CMTM7: variants seen among roughly 807,000 people sequenced by gnomAD.
CMTM7 encodes CKLF like MARVEL transmembrane domain containing 7.
In CMTM7, 7 loss-of-function variants were observed where a neutral mutation model predicts 19.3. The observed-to-expected ratio is 0.36, with a 90% CI of 0.21 to 0.68. The LOEUF (loss-of-function observed/expected upper bound fraction) is 0.68, where lower values mean the gene tolerates loss of function less well. Among genes scored for constraint, CMTM7 ranks in the 30% least tolerant of loss-of-function variants. The pLI is 0.60. For missense variants in CMTM7, 193 were observed against 232.6 expected, an observed-to-expected ratio of 0.83 and a Z score of 1.11; for synonymous variants, 87 against 99.3, an observed-to-expected ratio of 0.88 and a Z score of 0.74.
chr3:32,392,994 T>C (rs1440537705), intron 1 of CMTM7, among the ~76,000 whole-genome samples: 2 of 152,082 alleles, frequency 1.3e-5, no homozygotes, highest in African/African-American at 4.8e-5. Context: ...GTCTCCACCA[T>C]TGTAATGTTT....
intron 1 of CMTM7, among the ~76,000 whole-genome samples, chr3:32,414,277 A>G (rs557972999): frequency 6.6e-5 from 10 of 152,214 alleles, no homozygotes; most frequent in Admixed American, 1.3e-4. Context: ...TTCATTCTCC[A>G]CGTTCCACTG....
At chr3:32,413,483 C>T (rs757338008) in intron 1 of CMTM7, among the ~76,000 whole-genome samples, 9 of 152,156 alleles carry the variant, frequency 5.9e-5, no homozygotes, top group Non-Finnish European at 1.3e-4. Context: ...ATTAACACAC[C>T]TTTGGTCCAT....
chr3:32,441,463 C>G (rs1224116629), intron 1 of CMTM7, among the ~76,000 whole-genome samples: 1 of 152,150 alleles, frequency 6.6e-6, no homozygotes, highest in Non-Finnish European at 1.5e-5. Context: ...AATATGTAAA[C>G]CCCAGGTCAC....
At chr3:32,410,179 G>A (rs1374855361) in intron 1 of CMTM7, among the ~76,000 whole-genome samples, 1 of 152,026 alleles carries the variant, frequency 6.6e-6, no homozygotes, top group Non-Finnish European at 1.5e-5. Flanking sequence ...CCTGTTTCCC[G>A]GTTCTGATTT....
intron 1 of CMTM7, among the ~76,000 whole-genome samples, chr3:32,429,228 C>G (rs940689923): frequency 6.6e-6 from 1 of 151,772 alleles, no homozygotes; most frequent in African/African-American, 2.4e-5. Flanking sequence ...AATCTGAATC[C>G]TTTTTTCCCC....
intron 1 of CMTM7, among the ~76,000 whole-genome samples, chr3:32,439,770 T>C (rs1353682631): frequency 2.0e-5 from 3 of 152,168 alleles, no homozygotes; most frequent in African/African-American, 7.2e-5. Flanking sequence ...AGGCCCCATT[T>C]TGTGATTTAA....
At chr3:32,443,689 G>A (rs114324655) in intron 2 of CMTM7, among the ~76,000 whole-genome samples, 2,299 of 152,246 alleles carry the variant, frequency 0.015, 21 homozygotes, top group South Asian at 0.051. Flanking sequence ...CACCAGGAGT[G>A]TATGAAGGTT....
At chr3:32,413,861 T>A (rs1297801801) in intron 1 of CMTM7, among the ~76,000 whole-genome samples, 6 of 152,186 alleles carry the variant, frequency 3.9e-5, no homozygotes, top group Non-Finnish European at 8.8e-5. Flanking sequence ...GAGGCATTCA[T>A]CCGCCGCAGG....
intron 1 of CMTM7, among the ~76,000 whole-genome samples, chr3:32,418,379 C>G (rs1696297487): frequency 6.6e-6 from 1 of 152,144 alleles, no homozygotes; most frequent in East Asian, 1.9e-4. Context: ...CTCTTAGTCT[C>G]TCGAAAGAGC....
chr3:32,439,510 G>A (rs1350976687), intron 1 of CMTM7, among the ~76,000 whole-genome samples: 1 of 152,210 alleles, frequency 6.6e-6, no homozygotes, highest in African/African-American at 2.4e-5. Flanking sequence ...CTGGAGTGCA[G>A]TGACGTGATA....
chr3:32,395,205 A>G (rs1695897461), intron 1 of CMTM7, among the ~76,000 whole-genome samples: 1 of 152,052 alleles, frequency 6.6e-6, no homozygotes, highest in South Asian at 2.1e-4. Context: ...GGGTTTTGCT[A>G]TGTTGCCCAG....
chr3:32,432,427 G>A (rs1696533684), intron 1 of CMTM7, among the ~76,000 whole-genome samples: 1 of 152,172 alleles, frequency 6.6e-6, no homozygotes, highest in African/African-American at 2.4e-5. Context: ...TCTCTATGCT[G>A]TTCACTTTTG....
chr3:32,408,579 G>A (rs77243802), intron 1 of CMTM7, among the ~76,000 whole-genome samples: 1 of 152,310 alleles, frequency 6.6e-6, no homozygotes, highest in East Asian at 1.9e-4. Context: ...GAAAACATCA[G>A]AGAGTGGTTC....
At chr3:32,420,076 T>C (rs998994947) in intron 1 of CMTM7, among the ~76,000 whole-genome samples, 5 of 152,240 alleles carry the variant, frequency 3.3e-5, no homozygotes, top group African/African-American at 1.2e-4. Flanking sequence ...CGTCACATTA[T>C]TGAGGTCCTA....
intron 3 of CMTM7, chr3:32,451,719 G>A (rs2125644820): frequency 4.9e-6 from 1 of 202,990 alleles, no homozygotes; most frequent in Middle Eastern, 2.1e-3. Context: ...TCGACCATTT[G>A]ATGAGCCTCC....
chr3:32,401,478 G>C (rs1200638297), intron 1 of CMTM7, among the ~76,000 whole-genome samples: 3 of 152,240 alleles, frequency 2.0e-5, no homozygotes, highest in Non-Finnish European at 4.4e-5. Context: ...AGGGGCCCTA[G>C]AGACCCCGGC....
chr3:32,391,984 G>A lies in CMTM7; in HGVS notation c.78G>A (p.Gln26=), dbSNP rs754680313. Residue 26 remains glutamine, a synonymous_variant, in exon 1 of 5, where the codon CAG becomes CAA. Coordinates refer to ENST00000334983, the MANE Select transcript of CMTM7 (RefSeq NM_138410.4). ...SALGPGAGAA[Q]PSASPLEGLL... ...TCGGACCCGGGGCCGGCGCGGCCCA[G>A]CCCAGCGCGAGCCCCTTGGAGGGGC... 30 of 1,233,370 alleles carry A rather than the reference G, an allele frequency of 2.4e-5. No homozygotes were observed. In the East Asian group the frequency reaches 9.5e-4, roughly 39 times the overall value. The allele number at this position is 1,233,370 out of a possible 1,614,324, so 76.4% of individuals were successfully genotyped here.
intron 1 of CMTM7, among the ~76,000 whole-genome samples, chr3:32,408,168 C>T (rs558003915): frequency 2.0e-5 from 3 of 152,322 alleles, no homozygotes; most frequent in Admixed American, 6.5e-5. Context: ...GAGCACTGTC[C>T]TGCTGATGCG....
chr3:32,423,350 T>A (rs1036469216), intron 1 of CMTM7, among the ~76,000 whole-genome samples: 2 of 152,196 alleles, frequency 1.3e-5, no homozygotes, highest in African/African-American at 4.8e-5. Context: ...TTAAGAAAAA[T>A]CAATATGTAG....
Sources: allele counts gnomAD v4.1 joint callset (sites outside exome capture counted in the v4.1 genomes callset), GRCh38; gene constraint gnomAD v4.1.1; transcripts MANE v1.5; gene names NCBI Gene and HGNC (gene_info 2026-07-23, HGNC 2026-07-21).